The following ITGAD variants were observed in gnomAD, a reference collection of about 807,000 sequenced individuals.
ITGAD encodes integrin subunit alpha D.
In ITGAD, 105 loss-of-function variants were observed where a neutral mutation model predicts 139.0. That is an observed-to-expected ratio of 0.76 (90% CI 0.65 to 0.89). The LOEUF is 0.89. Ranked by LOEUF, ITGAD falls within the 40% of genes least tolerant of loss-of-function variation. ITGAD has a pLI of 0.00. For synonymous variants in ITGAD, 569 were observed against 598.3 expected, an observed-to-expected ratio of 0.95 and a Z score of 0.71; for missense variants, 1,384 against 1,487.3, an observed-to-expected ratio of 0.93 and a Z score of 1.14.
rs751724328 is a variant in ITGAD at position 31,423,973 on chromosome 16, C to T, written c.3159+15C>T. 5.6e-6 allele frequency: 9 copies of T among 1,609,982 alleles called. No homozygotes were observed. Among genetic ancestry groups the T allele is most frequent in the African/African-American group, 5.3e-5 (4 of 74,808 alleles). ...GGGTCCGCGAGGTGTGTGGGGGCAG[C>T]GGCAGAGCCCCTGCCCCAGACTCAG... On this transcript the variant is annotated intron_variant, in intron 27 of 29. Coordinates refer to ENST00000389202, the MANE Select transcript of ITGAD (RefSeq NM_005353.3).
intron 5 of ITGAD, among the ~76,000 whole-genome samples, chr16:31,400,088 G>C (rs1001468003): frequency 6.6e-6 from 1 of 152,224 alleles, no homozygotes; most frequent in African/African-American, 2.4e-5. Context: ...CACAGACCTG[G>C]CCTGAGAGAG....
chr16:31,425,960 T>A, intron 29 of ITGAD, 55 bp from the exon 30 acceptor site: 4 of 1,150,256 alleles, frequency 3.5e-6, no homozygotes, highest in Non-Finnish European at 5.2e-6. Context: ...AGATTACAGG[T>A]GTGAGCCACC....
Position 31,403,662 on chromosome 16 carries a change from C to G in ITGAD, c.704+17C>G, listed in dbSNP as rs1258797315. On this transcript the variant is annotated intron_variant, in intron 7 of 29. Coordinates refer to ENST00000389202, the MANE Select transcript of ITGAD (RefSeq NM_005353.3). The surrounding 1 kb of genome is among the most constrained non-coding windows in gnomAD (Gnocchi z 4.4). ...GACAGTGGTGTAAGCAACCCCGACCCCAGCCTGGCGATGTGACTGCCACCC... is the reference window on the plus strand; with the variant it reads ...GACAGTGGTGTAAGCAACCCCGACCGCAGCCTGGCGATGTGACTGCCACCC... 3 of 1,613,998 alleles carry G rather than the reference C, an allele frequency of 1.9e-6. No individual in the cohort carries two copies. The highest frequency in any genetic ancestry group is 1.7e-6 in the Non-Finnish European group (2 of 1,179,914).
In ITGAD at chr16:31,397,676, T is replaced by G; in HGVS notation, c.312+10T>G. 1 of 913,496 alleles carries G rather than the reference T, an allele frequency of 1.1e-6. No homozygotes were observed. The highest frequency in any genetic ancestry group is 1.9e-5 in the African/African-American group (1 of 52,828). The allele number at this position is 913,496 out of a possible 1,614,324, so 56.6% of individuals were successfully genotyped here. A position where few individuals can be genotyped will look rare whatever the true frequency, so the allele number is the denominator to read the frequency against. The stretch of plus-strand genomic sequence containing the variant: ...CGGCTCCCGGCTCCTGGTGAGTGAG[T>G]GTCTTGGGCCACGGGGGGGTGGGGT... On this transcript the variant is annotated intron_variant, in intron 4 of 29. Coordinates refer to ENST00000389202, the MANE Select transcript of ITGAD (RefSeq NM_005353.3).
chr16:31,413,869 T>C (rs2081804696), intron 16 of ITGAD, among the ~76,000 whole-genome samples: 1 of 152,208 alleles, frequency 6.6e-6, no homozygotes, highest in South Asian at 2.1e-4. Flanking sequence ...CCATGGTCCA[T>C]CCGGGATGGC....
At chr16:31,417,845 C>T (rs1597154431) in intron 20 of ITGAD, among the ~76,000 whole-genome samples, 1 of 152,030 alleles carries the variant, frequency 6.6e-6, no homozygotes, top group African/African-American at 2.4e-5. Context: ...TACTCAAGAG[C>T]CTGTGGCAGG....
chr16:31,421,552 T>C (rs77907130), intron 23 of ITGAD, among the ~76,000 whole-genome samples: 1,864 of 150,608 alleles, frequency 0.012, 21 homozygotes, highest in Admixed American at 0.019. Context: ...AACAGAAGCA[T>C]AGAGAGAAGG....
rs1287507176 is a variant in ITGAD, at chr16:31,411,375, C to G, written c.1565C>G (p.Ala522Gly). Residue 522 changes from alanine (A) to glycine (G), a missense_variant, in exon 14 of 30, where the codon GCA (alanine) becomes GGA (glycine). By Grantham distance (60) the Ala-to-Gly change is moderately conservative. Coordinates refer to ENST00000389202, the MANE Select transcript of ITGAD (RefSeq NM_005353.3). ...EQGHPWGRFG[A>G]ALTVLGDVNE... is the part of the protein sequence containing the mutation. Reference sequence around the variant, plus strand: ...GGCCACCCCTGGGGCCGCTTTGGGGCAGCCCTGACAGTGTTGGGGGATGTG... The same window carrying G: ...GGCCACCCCTGGGGCCGCTTTGGGGGAGCCCTGACAGTGTTGGGGGATGTG... 2 of 1,613,932 alleles carry G rather than the reference C, an allele frequency of 1.2e-6. No individual in the cohort carries two copies. The highest frequency in any genetic ancestry group is 1.7e-6 in the Non-Finnish European group (2 of 1,179,992).
In ITGAD at chr16:31,414,480, C is replaced by G. The variant is rs766216341; in HGVS notation, c.2026C>G (p.Leu676Val). The G allele has an allele frequency of 6.2e-7, 1 of 1,614,246 alleles. No homozygotes were observed. The highest frequency in any genetic ancestry group is 8.5e-7 in the Non-Finnish European group (1 of 1,180,040). Residue 676 changes from leucine to valine, a missense_variant, in exon 17 of 30, where the codon CTG (leucine) becomes GTG (valine). Transcript: ENST00000389202. The stretch of plus-strand genomic sequence containing the variant: ...CATCCAAAGCTCTGTCAGGTTTGAT[C>G]TGGCACTGGACCCAGGTCGTCTGAC... ...GDIQSSVRFD[L>V]ALDPGRLTSR... is the part of the protein sequence containing the mutation.
intron 23 of ITGAD, among the ~76,000 whole-genome samples, chr16:31,419,819 A>AAAAAC (rs2081973785): frequency 6.6e-6 from 1 of 151,514 alleles, no homozygotes; most frequent in African/African-American, 2.4e-5. Flanking sequence ...TCTCAAAAAA[A>AAAAAC]AAAAAAAAAA....
At chr16:31,401,254 G>A (rs1372416749) in intron 5 of ITGAD, among the ~76,000 whole-genome samples, 1 of 152,056 alleles carries the variant, frequency 6.6e-6, no homozygotes, top group Non-Finnish European at 1.5e-5. Context: ...GTGAGACTCT[G>A]CCTCAAAAAA....
chr16:31,424,205 TAGAGAC>T lies in ITGAD; in HGVS notation c.3261+3_3261+8del, dbSNP rs1309310058. 6.2e-7 allele frequency: 1 copy of T among 1,613,984 alleles called. No individual in the cohort carries two copies. Among genetic ancestry groups the T allele is most frequent in the African/African-American group, 1.3e-5 (1 of 74,912 alleles). On this transcript the variant is annotated splice_donor_5th_base_variant and intron_variant, in intron 28 of 29. Transcript: ENST00000389202. ...CAGGAGGCATTTATGAGAGCTCAGG[TAGAGAC>T]CATGTGGAGGGCAGCGACCAGCTGG... is the stretch of plus-strand genomic sequence containing the variant.
chr16:31,411,282 G>C (rs780377745), intron 13 of ITGAD, 26 bp from the exon 14 acceptor site: 9 of 1,608,312 alleles, frequency 5.6e-6, no homozygotes, highest in Non-Finnish European at 7.7e-6. Context: ...CCTGGATTGG[G>C]GTCTGACACT....
At chr16:31,421,582 G>T (rs1460986609) in intron 23 of ITGAD, among the ~76,000 whole-genome samples, 1 of 152,098 alleles carries the variant, frequency 6.6e-6, no homozygotes, top group Admixed American at 6.6e-5. Context: ...GGGGGGCACA[G>T]AGGAAAACCG....
chr16:31,411,251 C>A (rs752416764), intron 13 of ITGAD, 35 bp downstream of exon 13: 1 of 1,609,778 alleles, frequency 6.2e-7, no homozygotes, highest in African/African-American at 1.3e-5. Flanking sequence ...TGGGTGGGGT[C>A]CGGTGTGAGT....
chr16:31,425,742 G>T (rs1040051842), intron 29 of ITGAD, among the ~76,000 whole-genome samples: 2 of 151,112 alleles, frequency 1.3e-5, no homozygotes, highest in Admixed American at 6.6e-5. Flanking sequence ...GAGTGCAGTG[G>T]CATGATCTTG....
In ITGAD at chr16:31,397,399, C is replaced by T. The variant is rs781353333; in HGVS notation, c.178C>T (p.Gln60Ter). 6 of 1,604,686 alleles carry T rather than the reference C, an allele frequency of 3.7e-6. No homozygotes were observed. The highest frequency in any genetic ancestry group is 5.1e-6 in the Non-Finnish European group (6 of 1,176,170). ...ACCCCTGGAGGTGGTGGCGGCCAAC[C>T]AGACGGGACGGCTGTATGACTGCGC... The part of the protein sequence containing the change: ...GAPLEVVAAN[Q>*]TGRLYDCAAA... Residue 60 changes from glutamine (Q) to a stop codon, truncating the protein, a stop_gained, in exon 3 of 30, where the codon CAG (glutamine) becomes TAG (stop). Transcript: ENST00000389202. LOFTEE classifies it high-confidence loss of function.
chr16:31,397,291 A>G, intron 2 of ITGAD, 68 bp from the exon 3 acceptor site: 1 of 1,036,628 alleles, frequency 9.6e-7, no homozygotes, highest in Non-Finnish European at 1.4e-6. Context: ...ACACTTCCTC[A>G]CCCCCAAGTG....
chr16:31,411,061 G>A lies in ITGAD; in HGVS notation c.1357-15G>A. On this transcript the variant is annotated splice_polypyrimidine_tract_variant and intron_variant, in intron 12 of 29. Transcript: ENST00000389202. ...TGGCTGGGACAGGCAGCATGACCCA[G>A]GCTCTGCCCTCCAGATCGGCTCCTA... 6.2e-7 allele frequency: 1 copy of A among 1,611,856 alleles called. No individual in the cohort carries two copies. Among genetic ancestry groups the A allele is most frequent in the Non-Finnish European group, 8.5e-7 (1 of 1,179,810 alleles).
Sources: allele counts gnomAD v4.1 joint callset (sites outside exome capture counted in the v4.1 genomes callset), GRCh38; gene constraint gnomAD v4.1.1; non-coding constraint Gnocchi (gnomAD v3.1); transcripts MANE v1.5; gene names NCBI Gene and HGNC (gene_info 2026-07-23, HGNC 2026-07-21).